PMM1: variants seen among roughly 807,000 people sequenced by gnomAD.
PMM1 encodes brain glucose-1,6-bisphosphatase.
Under a neutral mutation model 34.0 loss-of-function variants are expected in PMM1, and 25 were observed. That is an observed-to-expected ratio of 0.73 (90% CI 0.54 to 1.03). The LOEUF (loss-of-function observed/expected upper bound fraction) is 1.03. PMM1 is among the 50% of genes least tolerant of loss of function. The pLI is 0.00. For missense variants in PMM1, 321 were observed against 350.1 expected (o/e 0.92, Z 0.66); for synonymous variants, 134 against 143.9 (o/e 0.93, Z 0.49).
At position 41,586,863 on chromosome 22, in the gene PMM1, A is replaced by C. The variant is rs2067313597; in HGVS notation, c.88-670T>G. Among the ~76,000 whole-genome samples, 4 of 144,124 alleles carry C rather than the reference A, an allele frequency of 2.8e-5. No individual in the cohort carries two copies. The South Asian group carries it at 9.4e-4, about 34-fold the overall frequency. 94.6% of individuals were successfully genotyped at this position (144,124 alleles called of 152,430 possible). ...GCTGGCACGGTGGTTCACACCAGTAATCCCAGCACTTTGGGAGGCCCAGGA... is the reference window on the plus strand; with the variant it reads ...GCTGGCACGGTGGTTCACACCAGTACTCCCAGCACTTTGGGAGGCCCAGGA... On this transcript the variant is annotated intron_variant, in intron 1 of 7. Transcript: ENST00000216259.
At chr22:41,577,513 C>A in intron 7 of PMM1, 73 bp from the exon 8 acceptor site, 1 of 1,494,152 alleles carries the variant, frequency 6.7e-7, no homozygotes. Context: ...TACGGACCTG[C>A]CCCTCCTCCT....
At chr22:41,588,895 C>T in intron 1 of PMM1, 1 of 971,282 alleles carries the variant, frequency 1.0e-6, no homozygotes, top group Non-Finnish European at 1.2e-6. Flanking sequence ...GTGGGTTACC[C>T]ACAGGGAGGG....
chr22:41,580,206 T>G (rs2067228368), intron 5 of PMM1: 1 of 152,316 alleles, frequency 6.6e-6, no homozygotes, highest in Non-Finnish European at 1.5e-5. Context: ...TCGAGCTGGT[T>G]ACTCACCCTC....
chr22:41,585,123 G>C (rs1009681464), intron 2 of PMM1: 2 of 152,862 alleles, frequency 1.3e-5, no homozygotes, highest in African/African-American at 4.8e-5. Flanking sequence ...AGGCTGTTGC[G>C]GGGTCTGGGT....
At chr22:41,588,855 G>A (rs748605050) in intron 1 of PMM1, 2 of 985,278 alleles carry the variant, frequency 2.0e-6, no homozygotes, top group East Asian at 1.1e-4. Context: ...GAGACCTGTT[G>A]GTTGGTCCTT....
At chr22:41,589,026 T>C in intron 1 of PMM1, 6 of 1,241,798 alleles carry the variant, frequency 4.8e-6, no homozygotes, top group Non-Finnish European at 6.4e-6. Context: ...ACAGCGAGAG[T>C]CTTTAGAAGA....
At position 41,577,174 on chromosome 22, in the gene PMM1, C is replaced by T. The variant is rs1469732304; in HGVS notation, c.*144G>A. On this transcript the variant is annotated 3_prime_UTR_variant, in exon 8 of 8. Transcript: ENST00000216259. ...CAGACTGGCTGGGGACGGTTGTCCA[C>T]ACAGACTCTGGCCCCATCTGGGTGG... The T allele has an allele frequency of 8.9e-7, 1 of 1,120,800 alleles. No homozygotes were observed. The highest frequency in any genetic ancestry group is 2.4e-5 in the East Asian group (1 of 42,410). 69.4% of individuals were successfully genotyped at this position (1,120,800 alleles called of 1,614,324 possible). A position where few individuals can be genotyped will look rare whatever the true frequency, so the allele number is the denominator to read the frequency against.
intron 7 of PMM1, 80 bp from the exon 8 acceptor site, chr22:41,577,520 T>C (rs1156882799): frequency 6.8e-7 from 1 of 1,464,530 alleles, no homozygotes; most frequent in Admixed American, 2.0e-5. Flanking sequence ...CTGCCCCTCC[T>C]CCTGCCCCTT....
chr22:41,579,119 G>C (rs917695734), intron 5 of PMM1: 6 of 515,684 alleles, frequency 1.2e-5, no homozygotes, highest in African/African-American at 9.6e-5. Flanking sequence ...GCTGTGGGCT[G>C]GGTCTTCTGA....
chr22:41,580,803 A>G (rs921686881), intron 5 of PMM1: 64 of 152,124 alleles, frequency 4.2e-4, no homozygotes, highest in African/African-American at 1.5e-3. Context: ...AACATGGCAA[A>G]ACCCTGTCCC....
intron 5 of PMM1, 46 bp from the exon 6 acceptor site, chr22:41,578,927 T>TGCCCA: frequency 6.5e-7 from 1 of 1,535,986 alleles, no homozygotes; most frequent in Non-Finnish European, 9.0e-7. Context: ...ACCTGCTGTG[T>TGCCCA]GCCAGGCCCT....
Position 41,584,559 on chromosome 22 carries a change from G to A in PMM1, c.250C>T (p.Gln84Ter). The change falls in exon 3 of 8, where the codon CAG (glutamine) becomes TAG (stop). Residue 84 changes from glutamine to a stop codon, truncating the protein, a stop_gained. Coordinates refer to ENST00000216259, the MANE Select transcript of PMM1 (RefSeq NM_002676.3). LOFTEE classifies it high-confidence loss of function. ...DYVFAENGTV[Q>*]YKHGRLLSKQ... ...GAGAGCAGTCGTCCGTGCTTATACT[G>A]CACCGTCCCGTTCTCGGCAAACACA... The A allele has an allele frequency of 1.2e-6, 2 of 1,613,810 alleles. No individual in the cohort carries two copies. Among genetic ancestry groups the A allele is most frequent in the South Asian group, 2.2e-5 (2 of 91,064 alleles).
chr22:41,581,711 C>G (rs58495840), intron 5 of PMM1, among the ~76,000 whole-genome samples: 1 of 151,888 alleles, frequency 6.6e-6, no homozygotes, highest in African/African-American at 2.4e-5. Context: ...AATATTAGGC[C>G]GGGCACAGTG....
In PMM1 at chr22:41,588,718, C is replaced by A. The variant is rs1051246863; in HGVS notation, c.87+1001G>T. On this transcript the variant is annotated intron_variant, in intron 1 of 7. Transcript: ENST00000216259. The stretch of plus-strand genomic sequence containing the variant: ...CACCCCTGCAGGAAGGCCTCCAGGG[C>A]CCAAGCCAGGGCAACTTCACCACAG... 7.1e-6 allele frequency: 7 copies of A among 985,332 alleles called. No individual in the cohort carries two copies. The African/African-American group carries it at 1.2e-4, about 17-fold the overall frequency. 61.0% of individuals were successfully genotyped at this position (985,332 alleles called of 1,614,324 possible).
intron 5 of PMM1, 79 bp downstream of exon 5, chr22:41,583,880 T>C: frequency 1.1e-6 from 1 of 917,444 alleles, no homozygotes; most frequent in South Asian, 1.3e-5. Context: ...CCAGTCTATT[T>C]TACTGATGAG....
At chr22:41,588,554 C>T (rs2067339875) in intron 1 of PMM1, 1 of 693,934 alleles carries the variant, frequency 1.4e-6, no homozygotes, top group African/African-American at 1.9e-5. Context: ...GGGGTTTCAC[C>T]ATGTTAGCCA....
At chr22:41,588,763 G>C in intron 1 of PMM1, 1 of 983,772 alleles carries the variant, frequency 1.0e-6, no homozygotes, top group Non-Finnish European at 1.2e-6. Context: ...AGGGGCATTC[G>C]GGACCTAAGA....
intron 3 of PMM1, 26 bp downstream of exon 3, chr22:41,584,501 C>T (rs1185185761): frequency 1.2e-6 from 2 of 1,604,296 alleles, no homozygotes; most frequent in Non-Finnish European, 1.7e-6. Flanking sequence ...TGGGGTGCCC[C>T]TGGCTAAGCC....
chr22:41,584,399 C>A (rs200990063), intron 3 of PMM1, 27 bp from the exon 4 acceptor site: 5 of 1,607,728 alleles, frequency 3.1e-6, no homozygotes, highest in African/African-American at 1.3e-5. Flanking sequence ...GGGCTCTGAG[C>A]GTGGCCTGGG....
Sources: gnomAD v4.1 joint callset for allele counts (sites outside exome capture counted in the v4.1 genomes callset) on GRCh38, gnomAD v4.1.1 for gene constraint, MANE v1.5 for transcripts, NCBI Gene and HGNC (gene_info 2026-07-23, HGNC 2026-07-21) for gene names.